ANOS1: variants seen among roughly 807,000 people sequenced by gnomAD.
ANOS1 encodes anosmin 1.
ANOS1 carries 6 observed loss-of-function variants against 59.0 expected under a neutral mutation model. The ratio of observed to expected loss-of-function variants is 0.10; its 90% confidence interval spans 0.06 to 0.20. The LOEUF (loss-of-function observed/expected upper bound fraction) is 0.20, where lower values mean the gene tolerates loss of function less well. Ranked by LOEUF, ANOS1 falls within the 10% of genes least tolerant of loss-of-function variation. The pLI is 1.00. For missense variants in ANOS1, 433 were observed against 542.3 expected (o/e 0.80, Z 2.00); for synonymous variants, 217 against 223.4 (o/e 0.97, Z 0.25).
At chrX:8,642,172 G>A (rs1175731901) in intron 2 of ANOS1, among the ~76,000 whole-genome samples, 1 of 111,783 alleles carries the variant, frequency 8.9e-6, no homozygotes, top group Non-Finnish European at 1.9e-5. Context: ...ATATTGTTTA[G>A]CAATGAAAAG....
intron 8 of ANOS1, among the ~76,000 whole-genome samples, chrX:8,562,231 G>A (rs975200742): frequency 3.7e-4 from 41 of 111,919 alleles, no homozygotes; most frequent in Admixed American, 3.1e-3. Context: ...GTGAGCTACC[G>A]CGCCCAGCCC....
chrX:8,711,454 T>A (rs1013882312), intron 1 of ANOS1, among the ~76,000 whole-genome samples: 1 of 113,021 alleles, frequency 8.8e-6, no homozygotes, highest in African/African-American at 3.2e-5. Flanking sequence ...CTACTACTCA[T>A]CCACCATGGG....
At chrX:8,706,622 T>C (rs187593993) in intron 1 of ANOS1, among the ~76,000 whole-genome samples, 114 of 111,892 alleles carry the variant, frequency 1.0e-3, no homozygotes, top group African/African-American at 3.5e-3. Flanking sequence ...ATGTTGGTAA[T>C]GGGAGAGGCT....
chrX:8,657,907 C>T (rs1171241813), intron 2 of ANOS1, among the ~76,000 whole-genome samples: 2 of 111,038 alleles, frequency 1.8e-5, no homozygotes, highest in African/African-American at 3.3e-5. Flanking sequence ...GCTCTGAGTA[C>T]CTGGGGGTCA....
intron 1 of ANOS1, among the ~76,000 whole-genome samples, chrX:8,723,843 C>T (rs766287459): frequency 1.8e-5 from 2 of 111,503 alleles, no homozygotes; most frequent in Non-Finnish European, 3.8e-5. Context: ...CTAGACCTGC[C>T]ATGTAGTACT....
At chrX:8,712,957 C>T (rs1932820701) in intron 1 of ANOS1, among the ~76,000 whole-genome samples, 1 of 111,374 alleles carries the variant, frequency 9.0e-6, no homozygotes, top group Admixed American at 9.6e-5. Flanking sequence ...CATACCTGGA[C>T]CTTGATTACT....
intron 2 of ANOS1, among the ~76,000 whole-genome samples, chrX:8,661,976 C>T: frequency 8.9e-6 from 1 of 111,842 alleles, no homozygotes; most frequent in Non-Finnish European, 1.9e-5. Context: ...CCATTAAGGA[C>T]ACGCTGAGCA....
At chrX:8,553,290 T>C (rs1929886709) in intron 9 of ANOS1, among the ~76,000 whole-genome samples, 1 of 108,770 alleles carries the variant, frequency 9.2e-6, no homozygotes, top group African/African-American at 3.6e-5. Context: ...ATAAATGTAT[T>C]GCAGCCTTAA....
chrX:8,578,278 T>C (rs1464637615), intron 6 of ANOS1, among the ~76,000 whole-genome samples: 1 of 107,204 alleles, frequency 9.3e-6, no homozygotes, highest in Non-Finnish European at 1.9e-5. Flanking sequence ...TTTTTTTTTC[T>C]TTCCAGACTT....
intron 3 of ANOS1, among the ~76,000 whole-genome samples, chrX:8,619,764 A>G (rs1317016343): frequency 2.7e-5 from 3 of 112,270 alleles, no homozygotes; most frequent in African/African-American, 6.5e-5. Flanking sequence ...GTATGTTGTT[A>G]TTAACATGCC....
intron 2 of ANOS1, among the ~76,000 whole-genome samples, chrX:8,666,746 C>T (rs772413293): frequency 2.1e-4 from 24 of 112,187 alleles, no homozygotes; most frequent in Admixed American, 9.4e-4. Flanking sequence ...ACTGTGGCGT[C>T]CATCCAAAAT....
At chrX:8,662,173 C>A (rs935987128) in intron 2 of ANOS1, among the ~76,000 whole-genome samples, 3 of 111,374 alleles carry the variant, frequency 2.7e-5, no homozygotes, top group Admixed American at 9.5e-5. Context: ...TAATGCAGGA[C>A]CCACAATTTT....
chrX:8,671,589 A>G (rs760110172), intron 2 of ANOS1, among the ~76,000 whole-genome samples: 2 of 99,496 alleles, frequency 2.0e-5, no homozygotes, highest in East Asian at 5.8e-4. Context: ...GTGTATGAGT[A>G]TATATATATA....
chrX:8,604,911 T>C (rs763214949), intron 3 of ANOS1, among the ~76,000 whole-genome samples: 5 of 112,869 alleles, frequency 4.4e-5, no homozygotes, highest in Non-Finnish European at 9.4e-5. Flanking sequence ...ATTTTCACTA[T>C]ATTAAAAAGC....
At chrX:8,637,150 G>A (rs1931585967) in intron 2 of ANOS1, among the ~76,000 whole-genome samples, 1 of 112,298 alleles carries the variant, frequency 8.9e-6, no homozygotes, top group African/African-American at 3.2e-5. Context: ...CGAGCAGCAA[G>A]CACTAACTCA....
At chrX:8,580,313 C>T (rs1930399893) in intron 6 of ANOS1, among the ~76,000 whole-genome samples, 2 of 102,370 alleles carry the variant, frequency 2.0e-5, no homozygotes, top group Non-Finnish European at 3.8e-5. Flanking sequence ...ATCTCAAGTA[C>T]CAGGAAGAAA....
chrX:8,657,659 G>A (rs932133743), intron 2 of ANOS1, among the ~76,000 whole-genome samples: 1 of 109,370 alleles, frequency 9.1e-6, no homozygotes, highest in Non-Finnish European at 1.9e-5. Context: ...AGTAGAGATG[G>A]GGTTTTACCA....
At chrX:8,628,989 C>T (rs138066893) in intron 2 of ANOS1, among the ~76,000 whole-genome samples, 263 of 111,328 alleles carry the variant, frequency 2.4e-3, no homozygotes, top group African/African-American at 7.9e-3. Context: ...TGGCTCATGT[C>T]TGTAACCCCA....
chrX:8,552,518 T>C (rs1483156120), intron 9 of ANOS1, among the ~76,000 whole-genome samples: 1 of 112,139 alleles, frequency 8.9e-6, no homozygotes, highest in Non-Finnish European at 1.9e-5. Context: ...TGCAACAGAA[T>C]GCATTGGTTT....
Sources: gnomAD v4.1 joint callset for allele counts (sites outside exome capture counted in the v4.1 genomes callset) on GRCh38, gnomAD v4.1.1 for gene constraint, MANE v1.5 for transcripts, NCBI Gene and HGNC (gene_info 2026-07-23, HGNC 2026-07-21) for gene names.